The following RNF149 variants were observed in gnomAD, a reference collection of about 807,000 sequenced individuals.
RNF149 encodes E3 ubiquitin-protein ligase RNF149.
In RNF149, 21 loss-of-function variants were observed where a neutral mutation model predicts 39.0. That is an observed-to-expected ratio of 0.54 (90% CI 0.38 to 0.77). The LOEUF is 0.77. RNF149 is among the 30% of genes least tolerant of loss of function. The pLI is 0.00. For synonymous variants in RNF149, 209 were observed against 213.6 expected, an observed-to-expected ratio of 0.98 and a Z score of 0.19; for missense variants, 493 against 534.9, an observed-to-expected ratio of 0.92 and a Z score of 0.77.
chr2:101,292,934 T>C (rs879627417), intron 3 of RNF149, among the ~76,000 whole-genome samples: 8 of 151,798 alleles, frequency 5.3e-5, no homozygotes, highest in Non-Finnish European at 8.8e-5. Context: ...CTGAGTGATC[T>C]GCAAATCAGA....
At chr2:101,296,954 A>C (rs187925209) in intron 1 of RNF149, among the ~76,000 whole-genome samples, 25 of 152,312 alleles carry the variant, frequency 1.6e-4, no homozygotes, top group African/African-American at 6.0e-4. Context: ...CACGCCTGTA[A>C]TCCCAGCACT....
In RNF149 at chr2:101,308,690, T is replaced by C. The variant is rs1355813326; in HGVS notation, c.-102A>G. ...GACACCCACCGCCGCCCTGGAAGAC[T>C]GAGGCGGGGTCGGGGCCGCTGCGCA... On this transcript the variant is annotated 5_prime_UTR_variant, in exon 1 of 7. Transcript: ENST00000295317. The C allele has an allele frequency of 1.3e-5, 15 of 1,121,908 alleles. No individual in the cohort carries two copies. The highest frequency in any genetic ancestry group is 3.4e-5 in the Admixed American group (1 of 29,742). 69.5% of individuals were successfully genotyped at this position (1,121,908 alleles called of 1,614,324 possible).
rs763477444 is a variant in RNF149, at chr2:101,308,543, ACACGCCGCGAGCCCCGACGCTGGCTT to A, written c.20_45del (p.Glu7ValfsTer125). The A allele has an allele frequency of 1.3e-6, 2 of 1,593,122 alleles. No individual in the cohort carries two copies. Among genetic ancestry groups the A allele is most frequent in the Non-Finnish European group, 1.7e-6 (2 of 1,173,250 alleles). ...GCCAGGGCGAGCAACGCCAGAGCCA[ACACGCCGCGAGCCCCGACGCTGGCTT>A]CGCGCCGCCGCCACGCCATGGCAGC... is the stretch of plus-strand genomic sequence containing the variant. On this transcript the variant is annotated frameshift_variant, in exon 1 of 7. Transcript: ENST00000295317. LOFTEE classifies it high-confidence loss of function.
intron 1 of RNF149, among the ~76,000 whole-genome samples, chr2:101,302,019 G>A (rs1237001079): frequency 1.3e-5 from 2 of 152,124 alleles, no homozygotes; most frequent in Non-Finnish European, 2.9e-5. Flanking sequence ...CTAACTAACT[G>A]CAACACTCTA....
chr2:101,281,794 G>A, intron 6 of RNF149, 65 bp downstream of exon 6: 1 of 1,583,884 alleles, frequency 6.3e-7, no homozygotes, highest in Non-Finnish European at 8.6e-7. Flanking sequence ...AAAGCACTGA[G>A]ATTACAGGTG....
At chr2:101,283,014 A>G (rs998901039) in intron 5 of RNF149, among the ~76,000 whole-genome samples, 4 of 152,106 alleles carry the variant, frequency 2.6e-5, no homozygotes, top group Admixed American at 6.5e-5. Context: ...TTTTACCTAA[A>G]TATCTGCCAA....
At chr2:101,284,423 T>C (rs890930444) in intron 5 of RNF149, among the ~76,000 whole-genome samples, 6 of 151,752 alleles carry the variant, frequency 4.0e-5, no homozygotes, top group African/African-American at 1.5e-4. Context: ...CTACAAAAAA[T>C]ATAAAAAATT....
chr2:101,275,111 GTTTTTTTT>G (rs1165388203), downstream of RNF149, among the ~76,000 whole-genome samples: 2 of 51,058 alleles, frequency 3.9e-5, no homozygotes, highest in East Asian at 6.1e-4. Flanking sequence ...TAGTATTTCT[GTTTTTTTT>G]TTTTTTTTTT....
chr2:101,301,195 C>T (rs367858193), intron 1 of RNF149, among the ~76,000 whole-genome samples: 3 of 152,042 alleles, frequency 2.0e-5, no homozygotes, highest in South Asian at 2.1e-4. Context: ...AGAACCTATA[C>T]ACCTTGGCAT....
chr2:101,303,274 T>C (rs72986745), intron 1 of RNF149, among the ~76,000 whole-genome samples: 1,362 of 100,254 alleles, frequency 0.014, 19 homozygotes, highest in African/African-American at 0.051. Flanking sequence ...TGCCTCAACG[T>C]TGGCTCATTT....
downstream of RNF149, chr2:101,273,476 C>G (rs1038828402): frequency 5.7e-6 from 2 of 350,414 alleles, no homozygotes; most frequent in Non-Finnish European, 1.1e-5. Flanking sequence ...ATATTTGTTT[C>G]TTTTTTTTTT....
intron 5 of RNF149, among the ~76,000 whole-genome samples, chr2:101,284,740 A>G (rs536142286): frequency 6.6e-6 from 1 of 152,310 alleles, no homozygotes; most frequent in African/African-American, 2.4e-5. Context: ...ATAGAAGCTT[A>G]CATGACCATA....
intron 6 of RNF149, 113 bp from the exon 7 acceptor site, chr2:101,277,394 A>G: frequency 1.4e-6 from 2 of 1,406,708 alleles, no homozygotes; most frequent in Non-Finnish European, 1.9e-6. Context: ...AAACAGAAAA[A>G]AAAATTTTTT....
In RNF149 at chr2:101,292,972, C is replaced by CTTT. The variant is rs34103366; in HGVS notation, c.780+1039_780+1041dup. The stretch of plus-strand genomic sequence containing the variant: ...CTAATCTTAAGCCATGAGATGTGAT[C>CTTT]TTTTTTTTTTTTTTTTTTTACTTTT... On this transcript the variant is annotated intron_variant, in intron 3 of 6. Transcript: ENST00000295317. 2.3e-5 allele frequency among the ~76,000 whole-genome samples: 3 copies of CTTT among 130,556 alleles called. 1 individual carries two copies. The South Asian group carries it at 7.4e-4, about 32-fold the overall frequency. 85.6% of individuals were successfully genotyped at this position (130,556 alleles called of 152,430 possible). A position where few individuals can be genotyped will look rare whatever the true frequency, so the allele number is the denominator to read the frequency against.
Position 101,288,908 on chromosome 2 carries a change from ATT to A in RNF149, c.863+63_863+64del, listed in dbSNP as rs113265852. 7.2e-4 allele frequency: 557 copies of A among 777,578 alleles called. 6 individuals are homozygous for A. The African/African-American group carries it at 9.2e-3, about 13-fold the overall frequency. 48.2% of individuals were successfully genotyped at this position (777,578 alleles called of 1,614,324 possible). On this transcript the variant is annotated intron_variant, in intron 4 of 6. Transcript: ENST00000295317. ...TCATTATCATAAAAAACAAATAACT[ATT>A]TTGTCAGACACCTAAAACTTGTCAA... is the stretch of plus-strand genomic sequence containing the variant.
intron 4 of RNF149, among the ~76,000 whole-genome samples, chr2:101,287,038 G>A (rs754030759): frequency 4.6e-5 from 7 of 152,118 alleles, no homozygotes; most frequent in Non-Finnish European, 5.9e-5. Flanking sequence ...AACAGTACTC[G>A]CGGCCGGGCA....
chr2:101,307,018 A>G (rs923959380), intron 1 of RNF149, among the ~76,000 whole-genome samples: 9 of 152,238 alleles, frequency 5.9e-5, no homozygotes, highest in African/African-American at 1.9e-4. Flanking sequence ...GTTATCTTAC[A>G]TAACAGAGTA....
chr2:101,291,964 T>G (rs1683029037), intron 3 of RNF149, among the ~76,000 whole-genome samples: 1 of 152,230 alleles, frequency 6.6e-6, no homozygotes, highest in South Asian at 2.1e-4. Context: ...TTAAAATGCA[T>G]TTAATGTACC....
At chr2:101,279,736 C>T (rs1354967858) in intron 6 of RNF149, among the ~76,000 whole-genome samples, 1 of 152,122 alleles carries the variant, frequency 6.6e-6, no homozygotes, top group Non-Finnish European at 1.5e-5. Flanking sequence ...GTCTTTTCTT[C>T]CTCTGGTGCT....
Sources: gnomAD v4.1 joint callset for allele counts (sites outside exome capture counted in the v4.1 genomes callset) on GRCh38, gnomAD v4.1.1 for gene constraint, MANE v1.5 for transcripts, NCBI Gene and HGNC (gene_info 2026-07-23, HGNC 2026-07-21) for gene names.